The following JAKMIP2 variants were observed in gnomAD, a reference collection of about 807,000 sequenced individuals.
The protein encoded by JAKMIP2 is janus kinase and microtubule interacting protein 2.
Under a neutral mutation model 115.0 loss-of-function variants are expected in JAKMIP2, and 25 were observed. The ratio of observed to expected loss-of-function variants is 0.22; its 90% CI spans 0.16 to 0.30. The LOEUF (loss-of-function observed/expected upper bound fraction) is 0.30, where lower values mean the gene tolerates loss of function less well. Among genes scored for constraint, JAKMIP2 ranks in the 10% least tolerant of loss-of-function variants. JAKMIP2 has a pLI of 1.00. For synonymous variants in JAKMIP2, 334 were observed against 343.6 expected (o/e 0.97, Z 0.31); for missense variants, 642 against 957.6 (o/e 0.67, Z 4.35).
chr5:147,707,317 A>G (rs1441413632), intron 1 of JAKMIP2, among the ~76,000 whole-genome samples: 1 of 152,206 alleles, frequency 6.6e-6, no homozygotes, highest in East Asian at 1.9e-4. Flanking sequence ...ATTTCTATGT[A>G]AATTAACTCA....
chr5:147,721,943 T>C (rs981002077), intron 1 of JAKMIP2, among the ~76,000 whole-genome samples: 2 of 152,178 alleles, frequency 1.3e-5, no homozygotes, highest in Admixed American at 6.5e-5. Context: ...TCCTGGCGAT[T>C]TCCCATGGCT....
chr5:147,752,913 G>A lies in JAKMIP2; in HGVS notation c.-149+29543C>T, dbSNP rs75489521. Among the ~76,000 whole-genome samples the A allele has an allele frequency of 4.1e-3, 628 of 152,240 alleles. 12 individuals are homozygous for A. The highest frequency in any genetic ancestry group is 0.014 in the African/African-American group (596 of 41,546). ...GGAGGGGCAGCTTTGTGGGAAGAGT[G>A]AAAATGAAGGACTGCTGGAGAATGT... On this transcript the variant is annotated intron_variant, in intron 1 of 21. Transcript: ENST00000616793.
intron 1 of JAKMIP2, among the ~76,000 whole-genome samples, chr5:147,675,627 A>G (rs1203913263): frequency 6.6e-6 from 1 of 150,574 alleles, no homozygotes; most frequent in Non-Finnish European, 1.5e-5. Flanking sequence ...GTCACTCCCA[A>G]AAGAAACTCT....
rs1752985716 is a variant in JAKMIP2 at position 147,716,199 on chromosome 5, A to G, written c.-148-44245T>C. Reference sequence around the variant, plus strand: ...TCATCATTTTTTATGGCTGCATAGTATTCCATGGTGTATATGTGCCACATT... The same window carrying G: ...TCATCATTTTTTATGGCTGCATAGTGTTCCATGGTGTATATGTGCCACATT... On this transcript the variant is annotated intron_variant, in intron 1 of 21. Coordinates refer to ENST00000616793, the MANE Select transcript of JAKMIP2 (RefSeq NM_001270941.2). Among the ~76,000 whole-genome samples, 3 of 131,522 alleles carry G rather than the reference A, an allele frequency of 2.3e-5. No homozygotes were observed. In the Admixed American group the frequency reaches 2.4e-4, roughly 10 times the overall value. 86.3% of individuals were successfully genotyped at this position (131,522 alleles called of 152,430 possible).
chr5:147,642,611 G>A (rs1280795727), intron 7 of JAKMIP2, among the ~76,000 whole-genome samples: 2 of 151,714 alleles, frequency 1.3e-5, no homozygotes, highest in East Asian at 3.9e-4. Flanking sequence ...AAAATGAAAT[G>A]AGGAAAACAG....
chr5:147,659,234 G>A (rs1275983676), intron 3 of JAKMIP2, among the ~76,000 whole-genome samples: 6 of 152,204 alleles, frequency 3.9e-5, no homozygotes, highest in Non-Finnish European at 8.8e-5. Flanking sequence ...GAAAAGCGTA[G>A]TACCTTGGGC....
intron 1 of JAKMIP2, among the ~76,000 whole-genome samples, chr5:147,759,988 A>G (rs1754876886): frequency 2.0e-5 from 3 of 152,094 alleles, no homozygotes. Context: ...GTTTTGAGGT[A>G]AAAGCAACAG....
intron 1 of JAKMIP2, among the ~76,000 whole-genome samples, chr5:147,694,913 T>C (rs1428827375): frequency 2.0e-5 from 3 of 152,222 alleles, no homozygotes; most frequent in East Asian, 3.8e-4. Flanking sequence ...GCTTATCAAA[T>C]TGTGACAAAT....
chr5:147,742,671 C>A (rs541359973), intron 1 of JAKMIP2, among the ~76,000 whole-genome samples: 1 of 152,228 alleles, frequency 6.6e-6, no homozygotes, highest in South Asian at 2.1e-4. Flanking sequence ...ATTGTTAGTG[C>A]TCAATAAATG....
chr5:147,612,278 T>G, intron 20 of JAKMIP2, 28 bp downstream of exon 20: 1 of 1,349,052 alleles, frequency 7.4e-7, no homozygotes, highest in Non-Finnish European at 1.1e-6. Context: ...AAACAAATAA[T>G]AAGATAGTTA....
chr5:147,673,342 T>C (rs1759736693), intron 1 of JAKMIP2, among the ~76,000 whole-genome samples: 1 of 152,198 alleles, frequency 6.6e-6, no homozygotes, highest in African/African-American at 2.4e-5. Flanking sequence ...ATTGTGTATG[T>C]TGAGGAGCTT....
chr5:147,706,917 C>T (rs76480904), intron 1 of JAKMIP2, among the ~76,000 whole-genome samples: 8,455 of 152,140 alleles, frequency 0.056, 621 homozygotes, highest in East Asian at 0.34. Context: ...TAATGATTTG[C>T]CCAGAGAATG....
At chr5:147,713,818 A>T (rs753954229) in intron 1 of JAKMIP2, among the ~76,000 whole-genome samples, 5 of 152,096 alleles carry the variant, frequency 3.3e-5, no homozygotes, top group Non-Finnish European at 7.4e-5. Flanking sequence ...GGTAAGCTTG[A>T]TTATTATTCT....
intron 1 of JAKMIP2, among the ~76,000 whole-genome samples, chr5:147,704,392 AATCTT>A (rs1409728090): frequency 6.6e-6 from 1 of 152,090 alleles, no homozygotes; most frequent in Non-Finnish European, 1.5e-5. Context: ...GCTCCATTAT[AATCTT>A]ATGGGATGGA....
chr5:147,750,195 A>G (rs531268449), intron 1 of JAKMIP2, among the ~76,000 whole-genome samples: 2 of 152,324 alleles, frequency 1.3e-5, no homozygotes, highest in South Asian at 4.1e-4. Context: ...ACTTAAGTGA[A>G]GATGAGGGAA....
At chr5:147,702,662 AAGAGAGAGAAAGAAAGAG>A (rs1162634106) in intron 1 of JAKMIP2, among the ~76,000 whole-genome samples, 1 of 104,972 alleles carries the variant, frequency 9.5e-6, no homozygotes, top group Admixed American at 1.0e-4. Flanking sequence ...GAAAGAAAGA[AAGAGAGAGAAAGAAAGAG>A]AAAGAAAGAA....
chr5:147,633,162 A>AT (rs933362742), intron 12 of JAKMIP2, among the ~76,000 whole-genome samples: 14 of 152,228 alleles, frequency 9.2e-5, no homozygotes, highest in African/African-American at 2.9e-4. Flanking sequence ...TGTTACAGAA[A>AT]TTTTTTTTAA....
Position 147,618,134 on chromosome 5 carries a change from A to G in JAKMIP2, c.2143-20T>C. 1 of 1,597,378 alleles carries G rather than the reference A, an allele frequency of 6.3e-7. No homozygotes were observed. Among genetic ancestry groups the G allele is most frequent in the Non-Finnish European group, 8.6e-7 (1 of 1,164,834 alleles). On this transcript the variant is annotated intron_variant, in intron 18 of 21. Coordinates refer to ENST00000616793, the MANE Select transcript of JAKMIP2 (RefSeq NM_001270941.2). Reference sequence around the variant, plus strand: ...GATTCTCTGGCAAATAGAATTAGAAAAGTCTAACTTTGGAACTTGGCATTG... The same window carrying G: ...GATTCTCTGGCAAATAGAATTAGAAGAGTCTAACTTTGGAACTTGGCATTG...
At chr5:147,674,175 C>G (rs147734750) in intron 1 of JAKMIP2, among the ~76,000 whole-genome samples, 2 of 152,256 alleles carry the variant, frequency 1.3e-5, no homozygotes, top group East Asian at 3.9e-4. Flanking sequence ...AATGGCAAAA[C>G]CACATGTCCA....
Sources: allele counts gnomAD v4.1 joint callset (sites outside exome capture counted in the v4.1 genomes callset), GRCh38; gene constraint gnomAD v4.1.1; transcripts MANE v1.5; gene names NCBI Gene and HGNC (gene_info 2026-07-23, HGNC 2026-07-21).